UGT3A1: variants seen among roughly 807,000 people sequenced by gnomAD.
The protein encoded by UGT3A1 is UDP glycosyltransferase family 3 member A1, also known as UDP-glycosyltransferase 3A1.
In UGT3A1, 40 loss-of-function variants were observed where a neutral mutation model predicts 37.6. The ratio of observed to expected loss-of-function variants is 1.06; its 90% CI spans 0.83 to 1.38. The LOEUF (loss-of-function observed/expected upper bound fraction) is 1.38, where lower values mean the gene tolerates loss of function less well. Ranked by LOEUF, UGT3A1 falls within the 40% of genes most tolerant of loss-of-function variation. UGT3A1 has a pLI of 0.00. For missense variants in UGT3A1, 642 were observed against 634.2 expected (o/e 1.01, Z -0.13); for synonymous variants, 256 against 232.3 (o/e 1.10, Z -0.93).
At chr5:35,987,511 C>T (rs1292976931) in intron 2 of UGT3A1, among the ~76,000 whole-genome samples, 1 of 152,042 alleles carries the variant, frequency 6.6e-6, no homozygotes, top group Non-Finnish European at 1.5e-5. Context: ...AATAAGATGA[C>T]CATATATTAC....
chr5:35,991,356 T>C lies in UGT3A1; in HGVS notation c.-116A>G. The C allele has an allele frequency of 6.6e-7, 1 of 1,516,304 alleles. No homozygotes were observed. The highest frequency in any genetic ancestry group is 1.3e-5 in the South Asian group (1 of 75,648). The allele number at this position is 1,516,304 out of a possible 1,614,324, so 93.9% of individuals were successfully genotyped here. A position where few individuals can be genotyped will look rare whatever the true frequency, so the allele number is the denominator to read the frequency against. On this transcript the variant is annotated 5_prime_UTR_variant, in exon 1 of 7. Coordinates refer to ENST00000274278, the MANE Select transcript of UGT3A1 (RefSeq NM_152404.4). ...CACTGGCTGTGGGCCTAGGAAGAGG[T>C]AGGAGACGGATCCTGCCAATTCTCT...
intron 1 of UGT3A1, among the ~76,000 whole-genome samples, chr5:35,999,086 A>C (rs1741161891): frequency 6.6e-6 from 1 of 151,864 alleles, no homozygotes; most frequent in Admixed American, 6.6e-5. Flanking sequence ...AATACAAAAA[A>C]GTTAGCCGGG....
rs548443801 is a variant in UGT3A1 at position 35,991,132 on chromosome 5, C to G, written c.94+15G>C. ...GGGACGCGCCTGTCTGGGAATTCTC[C>G]GGCCAAGCACTCACCCAGTGTAGAT... On this transcript the variant is annotated intron_variant, in intron 1 of 6. Coordinates refer to ENST00000274278, the MANE Select transcript of UGT3A1 (RefSeq NM_152404.4). 6.2e-7 allele frequency: 1 copy of G among 1,614,170 alleles called. No homozygotes were observed. Among genetic ancestry groups the G allele is most frequent in the Admixed American group, 1.7e-5 (1 of 60,026 alleles).
upstream of UGT3A1, among the ~76,000 whole-genome samples, chr5:35,995,069 G>C (rs1741062891): frequency 6.6e-6 from 1 of 152,172 alleles, no homozygotes; most frequent in African/African-American, 2.4e-5. Context: ...GCAAAAGGGA[G>C]GAAGACTGAA....
rs78782440 is a variant in UGT3A1 at position 35,966,237 on chromosome 5, T to C, written c.312-320A>G. 1.6e-3 allele frequency among the ~76,000 whole-genome samples: 244 copies of C among 152,354 alleles called. 6 individuals carry two copies. In the East Asian group the frequency reaches 0.045, roughly 28 times the overall value. ...ATCTCAGAGTTATATGTCTCCTTTA[T>C]AAATCCTGTGATGCTCTGTTAACCT... On this transcript the variant is annotated intron_variant, in intron 3 of 6. Coordinates refer to ENST00000274278, the MANE Select transcript of UGT3A1 (RefSeq NM_152404.4).
intron 2 of UGT3A1, among the ~76,000 whole-genome samples, chr5:35,970,506 G>A (rs555033326): frequency 1.8e-4 from 27 of 152,082 alleles, no homozygotes; most frequent in African/African-American, 4.1e-4. Context: ...CCCACAACAC[G>A]TGGGAATTCG....
chr5:35,971,835 G>A (rs1330895578), intron 2 of UGT3A1, among the ~76,000 whole-genome samples: 5 of 152,162 alleles, frequency 3.3e-5, no homozygotes, highest in Non-Finnish European at 7.3e-5. Context: ...TGTCCAAGAG[G>A]TGGGGGCTCC....
intron 2 of UGT3A1, among the ~76,000 whole-genome samples, chr5:35,984,472 A>AT (rs35556767): frequency 0.34 from 46,254 of 135,328 alleles, 7,440 homozygotes; most frequent in East Asian, 0.42. Context: ...ATCTCACAGA[A>AT]TTTTTTTTTT....
At chr5:35,980,502 TCC>T (rs1243505047) in intron 2 of UGT3A1, among the ~76,000 whole-genome samples, 9 of 152,144 alleles carry the variant, frequency 5.9e-5, no homozygotes, top group Non-Finnish European at 1.2e-4. Flanking sequence ...GTTGGGATCT[TCC>T]AGAGAACAGC....
rs1739698815 is a variant in UGT3A1 at position 35,964,090 on chromosome 5, A to C, written c.843+1296T>G. Among the ~76,000 whole-genome samples the C allele has an allele frequency of 6.1e-5, 6 of 98,956 alleles. 1 individual carries two copies. The South Asian group carries it at 2.5e-3, about 41-fold the overall frequency. The allele number at this position is 98,956 out of a possible 152,430, so 64.9% of individuals were successfully genotyped here. On this transcript the variant is annotated intron_variant, in intron 4 of 6. Coordinates refer to ENST00000274278, the MANE Select transcript of UGT3A1 (RefSeq NM_152404.4). ...TCAATGCCACTGAAGCATACCCTTA[A>C]AAATGGTTAAAGTGGTATATTTTAT...
At chr5:35,999,681 G>T (rs138794071) in intron 1 of UGT3A1, among the ~76,000 whole-genome samples, 72 of 152,292 alleles carry the variant, frequency 4.7e-4, no homozygotes, top group African/African-American at 1.6e-3. Flanking sequence ...CGTCCTTCAT[G>T]GTGGCAAATA....
At chr5:35,991,007 T>C in intron 1 of UGT3A1, 140 bp downstream of exon 1, 1 of 1,586,666 alleles carries the variant, frequency 6.3e-7, no homozygotes, top group Non-Finnish European at 8.6e-7. Flanking sequence ...CTAGATGGGC[T>C]TCTCCCTCCT....
chr5:35,955,875 T>G lies in UGT3A1; in HGVS notation c.1076-11A>C. 6.2e-7 allele frequency: 1 copy of G among 1,613,044 alleles called. No homozygotes were observed. The highest frequency in any genetic ancestry group is 8.5e-7 in the Non-Finnish European group (1 of 1,179,116). ...GGATGCTGGGGTGAGCTGTGGCAAA[T>G]AAGAAAGAGAGTGGAACACTTCAGG... On this transcript the variant is annotated splice_polypyrimidine_tract_variant and intron_variant, in intron 5 of 6. Transcript: ENST00000274278.
Position 35,977,045 on chromosome 5 carries a change from G to GAA in UGT3A1, c.197-8913_197-8912insTT, listed in dbSNP as rs1561466770. On this transcript the variant is annotated intron_variant, in intron 2 of 6. Transcript: ENST00000274278. ...GAGAGAAAGAAAGAAAGAGAGAAAG[G>GAA]GAGAAAGAGAAGAGAAAGAGAAAGA... Among the ~76,000 whole-genome samples, 1,001 of 127,210 alleles carry GAA rather than the reference G, an allele frequency of 7.9e-3. 39 individuals are homozygous for GAA. Among genetic ancestry groups the GAA allele is most frequent in the African/African-American group, 0.028 (945 of 34,152 alleles). The allele number at this position is 127,210 out of a possible 152,430, so 83.5% of individuals were successfully genotyped here.
At chr5:35,963,872 G>A (rs1042298006) in intron 4 of UGT3A1, among the ~76,000 whole-genome samples, 2 of 152,206 alleles carry the variant, frequency 1.3e-5, no homozygotes, top group East Asian at 3.9e-4. Context: ...TTGTCGGAAT[G>A]GGGGGTGGGG....
chr5:35,973,572 C>T (rs533724658), intron 2 of UGT3A1, among the ~76,000 whole-genome samples: 2 of 152,212 alleles, frequency 1.3e-5, no homozygotes, highest in South Asian at 4.1e-4. Flanking sequence ...AAGTATCAAA[C>T]AGCTTAGGGA....
chr5:35,956,815 G>A (rs183210083), intron 5 of UGT3A1, among the ~76,000 whole-genome samples: 168 of 152,254 alleles, frequency 1.1e-3, no homozygotes, highest in African/African-American at 3.9e-3. Context: ...CAGAACAGGG[G>A]CAACATACTC....
In UGT3A1 at chr5:35,968,041, T is replaced by G. The variant is rs760064814; in HGVS notation, c.289A>C (p.Ile97Leu). Residue 97 changes from isoleucine (I) to leucine (L), a missense_variant, in exon 3 of 7, where the codon ATA becomes CTA. By Grantham distance (5) the Ile-to-Leu change is conservative. Transcript: ENST00000274278. Reference sequence around the variant, plus strand: ...TACCTGCCATCCAATGCTGTTTCTATGTAGCTATCAAAATGCTTCTTAATT... The same window carrying G: ...TACCTGCCATCCAATGCTGTTTCTAGGTAGCTATCAAAATGCTTCTTAATT... ...KRIKKHFDSY[I>L]ETALDGRKES... The G allele has an allele frequency of 1.2e-6, 2 of 1,612,548 alleles. No homozygotes were observed. The highest frequency in any genetic ancestry group is 1.7e-6 in the Non-Finnish European group (2 of 1,179,618).
chr5:35,960,685 G>C (rs914406591), intron 4 of UGT3A1: 60 of 152,360 alleles, frequency 3.9e-4, no homozygotes, highest in African/African-American at 1.4e-3. Flanking sequence ...GTGTTAACCA[G>C]CTCAACGCCC....
Sources: allele counts gnomAD v4.1 joint callset (sites outside exome capture counted in the v4.1 genomes callset), GRCh38; gene constraint gnomAD v4.1.1; transcripts MANE v1.5; gene names NCBI Gene and HGNC (gene_info 2026-07-23, HGNC 2026-07-21).